The following ZNF3 variants were observed in gnomAD, a reference collection of about 807,000 sequenced individuals.
The protein encoded by ZNF3 is C2-H2 type zinc finger protein.
In ZNF3, 16 loss-of-function variants were observed where a neutral mutation model predicts 36.9. The ratio of observed to expected loss-of-function variants is 0.43; its 90% confidence interval spans 0.29 to 0.66. The LOEUF (loss-of-function observed/expected upper bound fraction) is 0.66, where lower values mean the gene tolerates loss of function less well. Among genes scored for constraint, ZNF3 ranks in the 30% least tolerant of loss-of-function variants. ZNF3 has a pLI of 0.13. For missense variants in ZNF3, 462 were observed against 543.1 expected, an observed-to-expected ratio of 0.85 and a Z score of 1.48; for synonymous variants, 201 against 201.9, an observed-to-expected ratio of 1.00 and a Z score of 0.04.
rs1188069031 is a variant in ZNF3, at chr7:100,072,154, C to T, written c.330G>A (p.Gly110=). The change falls in exon 6 of 6, where the codon GGG becomes GGA. Residue 110 remains glycine, a synonymous_variant. Transcript: ENST00000299667. ...QEISEDTRSH[G]VLLGRFQKDI... ...CCTTTTGAAATCTTCCCAGTAGGAC[C>T]CCATGTGATCTTGTGTCTTCAGAAA... The T allele has an allele frequency of 6.2e-7, 1 of 1,607,904 alleles. No individual in the cohort carries two copies. The highest frequency in any genetic ancestry group is 2.2e-5 in the East Asian group (1 of 44,866).
Position 100,081,128 on chromosome 7 carries a change from C to A in ZNF3, c.-198+507G>T, listed in dbSNP as rs78863622. 2.9e-3 allele frequency among the ~76,000 whole-genome samples: 436 copies of A among 152,316 alleles called. 16 individuals carry two copies. In the East Asian group the frequency reaches 0.059, roughly 21 times the overall value. Reference sequence around the variant, plus strand: ...TATCACGCGATGCACTGGGCTCCAGCAGGATTACCCCTGGAATCGGCGTCT... The same window carrying A: ...TATCACGCGATGCACTGGGCTCCAGAAGGATTACCCCTGGAATCGGCGTCT... On this transcript the variant is annotated intron_variant, in intron 1 of 5. Transcript: ENST00000299667. The surrounding 1 kb of genome is among the most constrained non-coding windows in gnomAD (Gnocchi z 4.3).
exon 6 of ZNF3, chr7:100,064,747 A>G: frequency 2.5e-6 from 4 of 1,613,978 alleles, no homozygotes; most frequent in Non-Finnish European, 2.5e-6. Context: ...GGGATGCCTG[A>G]GGAGTGCGAG....
At chr7:100,075,845 G>T (rs1254951303) in intron 3 of ZNF3, among the ~76,000 whole-genome samples, 1 of 152,138 alleles carries the variant, frequency 6.6e-6, no homozygotes, top group Non-Finnish European at 1.5e-5. Context: ...GATGGCCACA[G>T]GCCTGGTCAT....
intron 2 of ZNF3, 46 bp from the exon 3 acceptor site, chr7:100,077,479 T>A: frequency 6.5e-7 from 1 of 1,541,696 alleles, no homozygotes; most frequent in South Asian, 1.2e-5. Context: ...CAAAAAAACC[T>A]CCTGAATACA....
downstream of ZNF3, among the ~76,000 whole-genome samples, chr7:100,067,617 G>C (rs1221307368): frequency 6.6e-6 from 1 of 151,888 alleles, no homozygotes; most frequent in African/African-American, 2.4e-5. Flanking sequence ...GCCCAGGCTG[G>C]GCTTGAACTC....
At chr7:100,078,485 G>C (rs1371024811) in intron 2 of ZNF3, among the ~76,000 whole-genome samples, 2 of 143,944 alleles carry the variant, frequency 1.4e-5, no homozygotes, top group African/African-American at 5.2e-5. Context: ...AATAGACAGA[G>C]ACTCTGCCTC....
intron 5 of ZNF3, 127 bp downstream of exon 5, chr7:100,075,008 G>T: frequency 2.5e-6 from 3 of 1,204,186 alleles, no homozygotes; most frequent in Non-Finnish European, 2.3e-6. Flanking sequence ...ACTGAGCAAA[G>T]ATTGTGCCAT....
intron 5 of ZNF3, 109 bp downstream of exon 5, chr7:100,075,026 C>CA (rs199682529): frequency 9.5e-3 from 11,559 of 1,211,984 alleles, no homozygotes; most frequent in Non-Finnish European, 0.01. Flanking sequence ...CATTGCACCT[C>CA]AAAAAAAAAA....
downstream of ZNF3, among the ~76,000 whole-genome samples, chr7:100,067,648 T>A (rs1359688859): frequency 1.3e-5 from 2 of 152,134 alleles, no homozygotes; most frequent in Non-Finnish European, 2.9e-5. Context: ...GCGATTCTCC[T>A]GCCTTACCCT....
At chr7:100,072,566 CTG>C (rs1038564689) in intron 5 of ZNF3, among the ~76,000 whole-genome samples, 4 of 152,108 alleles carry the variant, frequency 2.6e-5, no homozygotes, top group Non-Finnish European at 5.9e-5. Context: ...GTGGATATAA[CTG>C]GGGACACAGT....
chr7:100,067,640 G>A (rs566108167), downstream of ZNF3, among the ~76,000 whole-genome samples: 5 of 152,022 alleles, frequency 3.3e-5, no homozygotes, highest in East Asian at 3.9e-4. Flanking sequence ...GAGTTCAAGC[G>A]ATTCTCCTGC....
rs1160507983 is a variant in ZNF3, at chr7:100,070,006, T to G, written c.*1137A>C. Reference sequence around the variant, plus strand: ...AAAACTATTCTGTTTAATAGTGCACTTCATTTATGCTACAGGATGAGCAGG... The same window carrying G: ...AAAACTATTCTGTTTAATAGTGCACGTCATTTATGCTACAGGATGAGCAGG... On this transcript the variant is annotated 3_prime_UTR_variant, in exon 6 of 6. Transcript: ENST00000299667. 3 of 985,878 alleles carry G rather than the reference T, an allele frequency of 3.0e-6. No homozygotes were observed. In the South Asian group the frequency reaches 1.4e-4, roughly 46 times the overall value. The allele number at this position is 985,878 out of a possible 1,614,324, so 61.1% of individuals were successfully genotyped here.
downstream of ZNF3, among the ~76,000 whole-genome samples, chr7:100,067,269 C>T (rs990523428): frequency 2.6e-5 from 4 of 152,134 alleles, no homozygotes; most frequent in African/African-American, 4.8e-5. Context: ...TCTGAGTGAA[C>T]GGGAAGCTAT....
chr7:100,078,870 T>TA (rs963033355), intron 2 of ZNF3: 3 of 152,192 alleles, frequency 2.0e-5, no homozygotes, highest in African/African-American at 4.8e-5. Context: ...TACAGACTGT[T>TA]ACACTCACAT....
chr7:100,076,146 T>G (rs149641848), intron 3 of ZNF3, among the ~76,000 whole-genome samples: 2 of 151,898 alleles, frequency 1.3e-5, no homozygotes, highest in Non-Finnish European at 2.9e-5. Flanking sequence ...CATGAAGTTC[T>G]TAGACCAGAG....
chr7:100,068,630 C>T (rs1465008645), downstream of ZNF3, among the ~76,000 whole-genome samples: 3 of 141,060 alleles, frequency 2.1e-5, no homozygotes, highest in African/African-American at 7.9e-5. Context: ...AAGAGCAAGA[C>T]TCCATCTCAA....
At chr7:100,068,614 C>G (rs994365187), downstream of ZNF3, among the ~76,000 whole-genome samples, 2 of 150,224 alleles carry the variant, frequency 1.3e-5, no homozygotes, top group African/African-American at 4.9e-5. Flanking sequence ...GCACTCCAGC[C>G]TGGGCAAGAG....
At chr7:100,065,058 T>C (rs1792577729), downstream of ZNF3, 1 of 1,031,382 alleles carries the variant, frequency 9.7e-7, no homozygotes. Flanking sequence ...GGACTATTAT[T>C]ATAACAAATG....
At chr7:100,073,866 T>C (rs1463743120) in intron 5 of ZNF3, among the ~76,000 whole-genome samples, 4 of 151,508 alleles carry the variant, frequency 2.6e-5, no homozygotes, top group South Asian at 2.1e-4. Context: ...GGAAAAAGTA[T>C]CAGATTTGGC....
Sources: gnomAD v4.1 joint callset for allele counts (sites outside exome capture counted in the v4.1 genomes callset) on GRCh38, gnomAD v4.1.1 for gene constraint, Gnocchi (gnomAD v3.1) non-coding constraint, MANE v1.5 for transcripts, NCBI Gene and HGNC (gene_info 2026-07-23, HGNC 2026-07-21) for gene names.